SOBP: variants seen among roughly 807,000 people sequenced by gnomAD.
SOBP encodes sine oculis-binding protein homolog.
A neutral mutation model predicts 53.6 loss-of-function variants in SOBP; 4 were observed. The ratio of observed to expected loss-of-function variants is 0.07; its 90% CI spans 0.04 to 0.17. SOBP has a LOEUF of 0.17. Ranked by LOEUF, SOBP falls within the 10% of genes least tolerant of loss-of-function variation. The probability of loss-of-function intolerance (pLI) is 1.00; values close to 1 mark genes in which losing one functional copy is unlikely to be tolerated. For synonymous variants in SOBP, 584 were observed against 522.6 expected (o/e 1.12, Z -1.60); for missense variants, 1,088 against 1,204.7 (o/e 0.90, Z 1.43).
rs1375927729 is a variant in SOBP at position 107,634,446 on chromosome 6, G to A, written c.1602G>A (p.Pro534=). 1.2e-6 allele frequency: 2 copies of A among 1,608,876 alleles called. No individual in the cohort carries two copies. Among genetic ancestry groups the A allele is most frequent in the Non-Finnish European group, 8.5e-7 (1 of 1,179,724 alleles). ...LVPYPVIVPL[P]VPIPIPIPIP... is the part of the protein sequence containing the mutation. ...CGTACCCCGTGATCGTGCCCCTACC[G>A]GTGCCCATCCCCATCCCCATCCCTA... Residue 534 remains proline, a synonymous_variant, in exon 6 of 7, where the codon CCG becomes CCA. Transcript: ENST00000317357. The surrounding 1 kb of genome is among the most constrained non-coding windows in gnomAD (Gnocchi z 4.5).
intron 4 of SOBP, among the ~76,000 whole-genome samples, chr6:107,562,230 G>C: frequency 6.6e-6 from 1 of 151,998 alleles, no homozygotes; most frequent in Non-Finnish European, 1.5e-5. Flanking sequence ...TGTTGGCCAG[G>C]CTGGTCTTAA....
At chr6:107,547,268 G>C (rs373019689) in intron 4 of SOBP, among the ~76,000 whole-genome samples, 22 of 152,340 alleles carry the variant, frequency 1.4e-4, no homozygotes, top group African/African-American at 5.3e-4. Context: ...CTGACTCTCA[G>C]CATCCCCAGA....
At chr6:107,555,795 A>G (rs942278063) in intron 4 of SOBP, among the ~76,000 whole-genome samples, 19 of 152,210 alleles carry the variant, frequency 1.2e-4, no homozygotes, top group African/African-American at 4.3e-4. Flanking sequence ...CAGAACTGCA[A>G]TTGGTTAGCA....
At chr6:107,582,759 G>A (rs1352854500) in intron 4 of SOBP, among the ~76,000 whole-genome samples, 1 of 152,196 alleles carries the variant, frequency 6.6e-6, no homozygotes, top group East Asian at 1.9e-4. Context: ...GTGCCTTGAT[G>A]TGCCTTCTTT....
chr6:107,498,988 G>C (rs1782767221), intron 1 of SOBP, among the ~76,000 whole-genome samples: 3 of 152,130 alleles, frequency 2.0e-5, no homozygotes. Context: ...TGTGAATTTT[G>C]AGCACCCCTG....
chr6:107,491,164 C>T (rs1782570832), intron 1 of SOBP, among the ~76,000 whole-genome samples: 1 of 152,214 alleles, frequency 6.6e-6, no homozygotes, highest in South Asian at 2.1e-4. Context: ...TCCTGCTCCT[C>T]AATCCCGCTT....
At chr6:107,577,016 C>A (rs553380227) in intron 4 of SOBP, among the ~76,000 whole-genome samples, 1 of 146,362 alleles carries the variant, frequency 6.8e-6, no homozygotes, top group Admixed American at 6.9e-5. Flanking sequence ...ATTTGTGACT[C>A]ATAGCTATCC....
chr6:107,570,079 G>T (rs1344295570), intron 4 of SOBP, among the ~76,000 whole-genome samples: 1 of 152,210 alleles, frequency 6.6e-6, no homozygotes, highest in Non-Finnish European at 1.5e-5. Context: ...TAACGGGACT[G>T]GTTAAATACT....
chr6:107,632,464 ATTC>A (rs1770758490), intron 5 of SOBP, among the ~76,000 whole-genome samples: 1 of 152,332 alleles, frequency 6.6e-6, no homozygotes, highest in South Asian at 2.1e-4. Context: ...ACTCATATTA[ATTC>A]TTGTTTAAAA....
Position 107,490,555 on chromosome 6 carries a change from C to T in SOBP, c.-62C>T. 1 of 1,274,372 alleles carries T rather than the reference C, an allele frequency of 7.8e-7. No individual in the cohort carries two copies. The highest frequency in any genetic ancestry group is 1.1e-6 in the Non-Finnish European group (1 of 898,734). 78.9% of individuals were successfully genotyped at this position (1,274,372 alleles called of 1,614,324 possible). A position where few individuals can be genotyped will look rare whatever the true frequency, so the allele number is the denominator to read the frequency against. The stretch of plus-strand genomic sequence containing the variant: ...ACCACCTCCACCGCCGCCGCCGCCG[C>T]CACCACCACCGCCGGCGGCGGCAGC... On this transcript the variant is annotated 5_prime_UTR_variant, in exon 1 of 7. Coordinates refer to ENST00000317357, the MANE Select transcript of SOBP (RefSeq NM_018013.4).
rs547394778 is a variant in SOBP, at chr6:107,536,732, T to C, written c.573+3122T>C. Among the ~76,000 whole-genome samples, 11 of 152,212 alleles carry C rather than the reference T, an allele frequency of 7.2e-5. No individual in the cohort carries two copies. In the South Asian group the frequency reaches 2.3e-3, roughly 32 times the overall value. On this transcript the variant is annotated intron_variant, in intron 4 of 6. Transcript: ENST00000317357. Reference sequence around the variant, plus strand: ...TACGAATATTAGGCTTTCTTCAAAATACTTCTACTCAACACTGCCAGGAGA... The same window carrying C: ...TACGAATATTAGGCTTTCTTCAAAACACTTCTACTCAACACTGCCAGGAGA...
intron 1 of SOBP, among the ~76,000 whole-genome samples, chr6:107,493,200 A>G (rs1425972330): frequency 6.6e-6 from 1 of 152,118 alleles, no homozygotes; most frequent in Admixed American, 6.5e-5. Context: ...CGAGAACACA[A>G]TGTGGCCTTG....
chr6:107,550,879 T>G (rs372111462), intron 4 of SOBP, among the ~76,000 whole-genome samples: 2 of 152,222 alleles, frequency 1.3e-5, no homozygotes, highest in Non-Finnish European at 2.9e-5. Flanking sequence ...GAAACAATAC[T>G]ACATAACTTA....
intron 3 of SOBP, among the ~76,000 whole-genome samples, chr6:107,508,351 G>A (rs1783056237): frequency 6.6e-6 from 1 of 152,170 alleles, no homozygotes; most frequent in Admixed American, 6.5e-5. Flanking sequence ...GGCCAAGGCG[G>A]GTGGATCACC....
intron 3 of SOBP, 65 bp from the exon 4 acceptor site, chr6:107,533,394 G>C: frequency 1.3e-6 from 2 of 1,581,598 alleles, no homozygotes; most frequent in Admixed American, 3.3e-5. Flanking sequence ...CAGGTTCAGG[G>C]TGTGTCTAAA....
chr6:107,655,553 G>A (rs1416951784), intron 6 of SOBP, among the ~76,000 whole-genome samples: 3 of 152,204 alleles, frequency 2.0e-5, no homozygotes, highest in Non-Finnish European at 4.4e-5. Flanking sequence ...AGCTTCGTGT[G>A]AGCAAGCTTT....
In SOBP at chr6:107,634,164, C is replaced by T. The variant is rs779753019; in HGVS notation, c.1320C>T (p.Gly440=). 12 of 1,610,948 alleles carry T rather than the reference C, an allele frequency of 7.4e-6. No individual in the cohort carries two copies. The South Asian group carries it at 1.3e-4, about 18-fold the overall frequency. ...CCGGCATCGGGCCCCCGCCCGGTGG[C>T]CCCAGAAACCTGGGCCCCACTTCCA... ...MLPGIGPPPG[G]PRNLGPTSSP... Residue 440 remains glycine (G), a synonymous_variant, in exon 6 of 7, where the codon GGC becomes GGT. Coordinates refer to ENST00000317357, the MANE Select transcript of SOBP (RefSeq NM_018013.4). This position sits in a 1 kb window ranked among gnomAD's most constrained non-coding sequence, Gnocchi z 4.5.
chr6:107,659,630 C>T lies in SOBP; in HGVS notation c.*1427C>T, dbSNP rs1772212873. The T allele has an allele frequency of 6.6e-6, 1 of 152,644 alleles. No individual in the cohort carries two copies. The highest frequency in any genetic ancestry group is 6.5e-5 in the Admixed American group (1 of 15,286). 9.5% of individuals were successfully genotyped at this position (152,644 alleles called of 1,614,324 possible). A position where few individuals can be genotyped will look rare whatever the true frequency, so the allele number is the denominator to read the frequency against. Reference sequence around the variant, plus strand: ...CTCTGGAGGGGTCCAGGTGCCCCCGCCCCACAAGGCCGCGGAGCCTCAGCA... The same window carrying T: ...CTCTGGAGGGGTCCAGGTGCCCCCGTCCCACAAGGCCGCGGAGCCTCAGCA... On this transcript the variant is annotated 3_prime_UTR_variant, in exon 7 of 7. Coordinates refer to ENST00000317357, the MANE Select transcript of SOBP (RefSeq NM_018013.4).
intron 2 of SOBP, among the ~76,000 whole-genome samples, chr6:107,505,203 G>C (rs929563947): frequency 5.9e-5 from 9 of 152,148 alleles, no homozygotes; most frequent in Non-Finnish European, 1.2e-4. Context: ...AATACAGTGG[G>C]ACCTAGTTAC....
Sources: allele counts gnomAD v4.1 joint callset (sites outside exome capture counted in the v4.1 genomes callset), GRCh38; gene constraint gnomAD v4.1.1; non-coding constraint Gnocchi (gnomAD v3.1); transcripts MANE v1.5; gene names NCBI Gene and HGNC (gene_info 2026-07-23, HGNC 2026-07-21).